USP42: variants seen among roughly 807,000 people sequenced by gnomAD.
The protein encoded by USP42 is ubiquitin carboxyl-terminal hydrolase 42.
USP42 carries 23 observed loss-of-function variants against 113.0 expected under a neutral mutation model. The ratio of observed to expected loss-of-function variants is 0.20; its 90% CI spans 0.15 to 0.29. USP42 has a LOEUF of 0.29. Among genes scored for constraint, USP42 ranks in the 10% least tolerant of loss-of-function variants. The pLI is 1.00. For synonymous variants in USP42, 933 were observed against 699.0 expected, an observed-to-expected ratio of 1.33 and a Z score of -5.28; for missense variants, 2,174 against 1,779.8, an observed-to-expected ratio of 1.22 and a Z score of -3.99.
At chr7:6,115,245 G>A in intron 2 of USP42, 78 bp from the exon 3 acceptor site, 3 of 1,425,296 alleles carry the variant, frequency 2.1e-6, no homozygotes, top group East Asian at 2.3e-5. Flanking sequence ...AAAGATTGAG[G>A]TTTGACCAGG....
At position 6,159,460 on chromosome 7, in the gene USP42, ACT is replaced by A. The variant is rs1782649127; in HGVS notation, c.*5_*6del. On this transcript the variant is annotated 3_prime_UTR_variant, in exon 17 of 18. Transcript: ENST00000306177. The surrounding 1 kb of genome is among the most constrained non-coding windows in gnomAD (Gnocchi z 4.1). The stretch of plus-strand genomic sequence containing the variant: ...ACCTTTGCTTTCTAGGTGATTGAAA[ACT>A]CAGCCTCAAAACAAAAAATTCACTA... 6.2e-7 allele frequency: 1 copy of A among 1,613,404 alleles called. No homozygotes were observed. Among genetic ancestry groups the A allele is most frequent in the Non-Finnish European group, 8.5e-7 (1 of 1,179,774 alleles).
At chr7:6,109,437 G>T (rs753102162) in intron 1 of USP42, among the ~76,000 whole-genome samples, 1 of 152,168 alleles carries the variant, frequency 6.6e-6, no homozygotes, top group Non-Finnish European at 1.5e-5. Context: ...CTCTATGTCA[G>T]TCTGGAGTGC....
intron 3 of USP42, among the ~76,000 whole-genome samples, chr7:6,131,921 A>G (rs1780872758): frequency 2.0e-5 from 3 of 152,188 alleles, no homozygotes; most frequent in Admixed American, 1.3e-4. Flanking sequence ...CATGGGGTGT[A>G]GAATTCTATG....
intron 2 of USP42, among the ~76,000 whole-genome samples, chr7:6,113,625 T>G (rs547629565): frequency 6.6e-6 from 1 of 152,118 alleles, no homozygotes; most frequent in African/African-American, 2.4e-5. Flanking sequence ...TTGTTTTTGT[T>G]TTTGTTTTTT....
Position 6,122,551 on chromosome 7 carries a change from A to G in USP42, c.442+7028A>G, listed in dbSNP as rs111243356. Among the ~76,000 whole-genome samples the G allele has an allele frequency of 1.9e-4, 29 of 151,218 alleles. No homozygotes were observed. The Middle Eastern group carries it at 0.01, about 53-fold the overall frequency. Reference sequence around the variant, plus strand: ...GTAGTGTGATCTCGGCTCAACTGCAACCTGCGCCTCATGGGTTCAAGCGAT... The same window carrying G: ...GTAGTGTGATCTCGGCTCAACTGCAGCCTGCGCCTCATGGGTTCAAGCGAT... On this transcript the variant is annotated intron_variant, in intron 3 of 17. Transcript: ENST00000306177.
At chr7:6,117,997 G>T (rs1186123751) in intron 3 of USP42, among the ~76,000 whole-genome samples, 1 of 152,078 alleles carries the variant, frequency 6.6e-6, no homozygotes, top group Non-Finnish European at 1.5e-5. Flanking sequence ...TGTAGGCTGG[G>T]ATTTGTCTTT....
intron 3 of USP42, among the ~76,000 whole-genome samples, chr7:6,118,636 T>G (rs1199603064): frequency 6.6e-6 from 1 of 152,144 alleles, no homozygotes; most frequent in Admixed American, 6.6e-5. Context: ...TTTGGGTCAG[T>G]GGTCCATTTT....
At chr7:6,091,072 C>T in the USP42 span, among the ~76,000 whole-genome samples, 1 of 150,746 alleles carries the variant, frequency 6.6e-6, no homozygotes, top group East Asian at 1.9e-4. Flanking sequence ...TGATTGTGTT[C>T]TTCATTAAGT....
intron 11 of USP42, 58 bp from the exon 12 acceptor site, chr7:6,147,681 G>T (rs1441613461): frequency 1.3e-6 from 2 of 1,487,654 alleles, no homozygotes; most frequent in Non-Finnish European, 1.8e-6. Flanking sequence ...CTTTGTAAAT[G>T]AATCTCTCCT....
chr7:6,126,595 C>G (rs1041805879), intron 3 of USP42, among the ~76,000 whole-genome samples: 2 of 152,202 alleles, frequency 1.3e-5, no homozygotes, highest in African/African-American at 4.8e-5. Flanking sequence ...GATAACGCCA[C>G]AGTTTCTTTA....
intron 1 of USP42, among the ~76,000 whole-genome samples, chr7:6,105,316 C>T (rs1024078843): frequency 1.4e-5 from 2 of 147,578 alleles, no homozygotes; most frequent in Non-Finnish European, 3.0e-5. Context: ...CGAGGCCGGG[C>T]CCCCCTGGTT....
At position 6,159,438 on chromosome 7, in the gene USP42, T is replaced by C; in HGVS notation, c.3944-12T>C. ...CATCATTAAAATCTCTTTCCTGACC[T>C]TTGCTTTCTAGGTGATTGAAAACTC... On this transcript the variant is annotated splice_polypyrimidine_tract_variant and intron_variant, in intron 16 of 17. Coordinates refer to ENST00000306177, the MANE Select transcript of USP42 (RefSeq NM_032172.3). The surrounding 1 kb of genome is among the most constrained non-coding windows in gnomAD (Gnocchi z 4.1). The C allele has an allele frequency of 6.2e-7, 1 of 1,613,962 alleles. No individual in the cohort carries two copies. The highest frequency in any genetic ancestry group is 1.1e-5 in the South Asian group (1 of 91,076).
Position 6,154,971 on chromosome 7 carries a change from T to C in USP42, c.3417T>C (p.Leu1139=), listed in dbSNP as rs755340026. The C allele has an allele frequency of 6.4e-7, 1 of 1,561,416 alleles. No individual in the cohort carries two copies. Among genetic ancestry groups the C allele is most frequent in the South Asian group, 1.2e-5 (1 of 84,656 alleles). ...PDRFSHDRTA[L]VAGDNCNLSD... ...GCTTCTCCCACGACAGAACTGCACTTGTAGCCGGAGACAACTGTAACCTCT... is the reference window on the plus strand; with the variant it reads ...GCTTCTCCCACGACAGAACTGCACTCGTAGCCGGAGACAACTGTAACCTCT... Residue 1139 remains leucine, a synonymous_variant, in exon 15 of 18, where the codon CTT becomes CTC. Transcript: ENST00000306177.
intron 2 of USP42, among the ~76,000 whole-genome samples, chr7:6,112,663 G>C (rs756010608): frequency 6.6e-6 from 1 of 152,112 alleles, no homozygotes; most frequent in Non-Finnish European, 1.5e-5. Flanking sequence ...AGAGCATGCA[G>C]CCCAGACAGC....
chr7:6,141,865 C>G (rs1194638830), intron 7 of USP42, among the ~76,000 whole-genome samples: 1 of 152,138 alleles, frequency 6.6e-6, no homozygotes, highest in Admixed American at 6.5e-5. Flanking sequence ...TTATTTTTAA[C>G]AGTTTGATAT....
intron 3 of USP42, among the ~76,000 whole-genome samples, chr7:6,122,445 CTTTTG>C (rs556504198): frequency 5.9e-5 from 9 of 151,930 alleles, no homozygotes; most frequent in Middle Eastern, 3.4e-3. Context: ...ACCACCATGC[CTTTTG>C]TTTTGTTTTG....
rs756834007 is a variant in USP42, at chr7:6,150,375, G to A, written c.2107-37G>A. ...GCTGGATTTCAGGAGGCATGGAGCT[G>A]GCGACTGAAGCTGAAATATTTTTGT... On this transcript the variant is annotated intron_variant, in intron 13 of 17. Transcript: ENST00000306177. 3 of 1,612,192 alleles carry A rather than the reference G, an allele frequency of 1.9e-6. No individual in the cohort carries two copies. The South Asian group carries it at 3.3e-5, about 18-fold the overall frequency.
rs755265130 is a variant in USP42 at position 6,154,255 on chromosome 7, G to C, written c.2701G>C (p.Ala901Pro). ...ACCCGAGGCCGCAGAGCGGCCGCCA[G>C]CTCCTGTGCTGGACATGGCCCCGGC... ...GAPEAAERPPAPVLDMAPAGH... is the reference protein window; with the variant it reads ...GAPEAAERPPPPVLDMAPAGH... The change falls in exon 15 of 18, where the codon GCT becomes CCT. Residue 901 changes from alanine to proline, a missense_variant. Coordinates refer to ENST00000306177, the MANE Select transcript of USP42 (RefSeq NM_032172.3). 3.1e-6 allele frequency: 5 copies of C among 1,604,646 alleles called. No homozygotes were observed. The highest frequency in any genetic ancestry group is 4.2e-6 in the Non-Finnish European group (5 of 1,177,036).
At chr7:6,155,847 G>C (rs1006587472) in intron 15 of USP42, among the ~76,000 whole-genome samples, 1 of 152,166 alleles carries the variant, frequency 6.6e-6, no homozygotes, top group Non-Finnish European at 1.5e-5. Flanking sequence ...GACCTCCTGG[G>C]CTCAAATGAT....
Sources: gnomAD v4.1 joint callset for allele counts (sites outside exome capture counted in the v4.1 genomes callset) on GRCh38, gnomAD v4.1.1 for gene constraint, Gnocchi (gnomAD v3.1) non-coding constraint, MANE v1.5 for transcripts, NCBI Gene and HGNC (gene_info 2026-07-23, HGNC 2026-07-21) for gene names.